RBL1: variants seen among roughly 807,000 people sequenced by gnomAD.
RBL1 encodes the protein RB transcriptional corepressor like 1.
A neutral mutation model predicts 123.0 loss-of-function variants in RBL1; 82 were observed. That is an observed-to-expected ratio of 0.67 (90% confidence interval 0.56 to 0.80). The LOEUF (loss-of-function observed/expected upper bound fraction) is 0.80. Among genes scored for constraint, RBL1 ranks in the 30% least tolerant of loss-of-function variants. The pLI is 0.00. For synonymous variants in RBL1, 405 were observed against 441.3 expected (o/e 0.92, Z 1.03); for missense variants, 1,171 against 1,299.6 (o/e 0.90, Z 1.52).
chr20:37,056,272 G>T lies in RBL1; in HGVS notation c.1251-14C>A. The T allele has an allele frequency of 6.4e-7, 1 of 1,567,314 alleles. No homozygotes were observed. ...CGCACACAAGATCTACAAAATACAA[G>T]AGGAACCAATTACCAAACCAAACAA... On this transcript the variant is annotated splice_polypyrimidine_tract_variant and intron_variant, in intron 9 of 21. Transcript: ENST00000373664.
chr20:37,005,033 T>A (rs1380621893), intron 20 of RBL1, among the ~76,000 whole-genome samples: 3 of 151,830 alleles, frequency 2.0e-5, no homozygotes, highest in Non-Finnish European at 4.4e-5. Flanking sequence ...AGAGTGAGAC[T>A]CTGTCTCAAA....
Position 37,032,662 on chromosome 20 carries a change from TA to T in RBL1, c.2382+2del. The T allele has an allele frequency of 6.2e-7, 1 of 1,613,968 alleles. No individual in the cohort carries two copies. The highest frequency in any genetic ancestry group is 8.5e-7 in the Non-Finnish European group (1 of 1,179,944). On this transcript the variant is annotated splice_donor_variant, in intron 16 of 21. Transcript: ENST00000373664. LOFTEE classifies it high-confidence loss of function. ...TCTTCTAAAGTGCTATAAAAACACA[TA>T]CCTTTCTGTAAAATAGTGCTAAGGA...
At chr20:37,075,103 A>T (rs1173262457) in intron 2 of RBL1, among the ~76,000 whole-genome samples, 1 of 152,220 alleles carries the variant, frequency 6.6e-6, no homozygotes, top group Non-Finnish European at 1.5e-5. Context: ...AAAGAAGCCA[A>T]CACAGAAGAC....
At chr20:37,077,865 T>C (rs531178919) in intron 2 of RBL1, among the ~76,000 whole-genome samples, 182 of 152,232 alleles carry the variant, frequency 1.2e-3, no homozygotes, top group South Asian at 2.9e-3. Context: ...GATAAAATAT[T>C]AGTCCATATT....
At position 37,058,118 on chromosome 20, in the gene RBL1, AAAAAAAAAAAACAAAACAAAAC is replaced by A. The variant is rs1211393072; in HGVS notation, c.1251-1882_1251-1861del. Among the ~76,000 whole-genome samples, 27 of 145,970 alleles carry A rather than the reference AAAAAAAAAAAACAAAACAAAAC, an allele frequency of 1.8e-4. 2 individuals are homozygous for A. Among genetic ancestry groups the A allele is most frequent in the African/African-American group, 5.8e-4 (23 of 39,346 alleles). On this transcript the variant is annotated intron_variant, in intron 9 of 21. Transcript: ENST00000373664. ...GCAACAAGGGCGAAACTCTGTCTAA[AAAAAAAAAAAACAAAACAAAAC>A]AAAAAAAAAAAAGCCTATTCCAGGG...
intron 7 of RBL1, among the ~76,000 whole-genome samples, chr20:37,064,868 G>T (rs551175733): frequency 5.3e-5 from 8 of 151,202 alleles, no homozygotes; most frequent in African/African-American, 1.7e-4. Flanking sequence ...TCAAGTGATC[G>T]GCCCGCCTTG....
rs939480241 is a variant in RBL1 at position 37,056,598 on chromosome 20, C to A, written c.1251-340G>T. Among the ~76,000 whole-genome samples, 13 of 151,994 alleles carry A rather than the reference C, an allele frequency of 8.6e-5. No homozygotes were observed. In the East Asian group the frequency reaches 2.5e-3, roughly 29 times the overall value. On this transcript the variant is annotated intron_variant, in intron 9 of 21. Coordinates refer to ENST00000373664, the MANE Select transcript of RBL1 (RefSeq NM_002895.5). ...TAGATCTCCTAACCTTGTGATCCAC[C>A]CACCTCAGCCTCCCAAAATGCTGGG...
At chr20:37,033,010 A>C in intron 15 of RBL1, 134 bp from the exon 16 acceptor site, 1 of 1,234,226 alleles carries the variant, frequency 8.1e-7, no homozygotes, top group Middle Eastern at 2.9e-4. Flanking sequence ...CTAGGTTATG[A>C]CTGAATTCTT....
At chr20:37,056,377 C>G (rs1157013979) in intron 9 of RBL1, 119 bp from the exon 10 acceptor site, 12 of 1,198,182 alleles carry the variant, frequency 1.0e-5, no homozygotes, top group Non-Finnish European at 1.3e-5. Context: ...TTTTTTGAGA[C>G]GGAGTCTCGC....
chr20:37,087,338 A>G (rs2065565040), intron 2 of RBL1, among the ~76,000 whole-genome samples: 1 of 152,102 alleles, frequency 6.6e-6, no homozygotes, highest in South Asian at 2.1e-4. Flanking sequence ...TGTCCCAAAA[A>G]AAAAAAAGGC....
rs911192393 is a variant in RBL1, at chr20:37,011,924, G to A, written c.2723-4365C>T. On this transcript the variant is annotated intron_variant, in intron 19 of 21. Transcript: ENST00000373664. The stretch of plus-strand genomic sequence containing the variant: ...CTTTCCACGGTCTCCCTCTGATGCC[G>A]AGCCGAAGCTGGACTGTACTGCTGC... Among the ~76,000 whole-genome samples, 8 of 152,170 alleles carry A rather than the reference G, an allele frequency of 5.3e-5. No individual in the cohort carries two copies. In the East Asian group the frequency reaches 7.7e-4, roughly 15 times the overall value.
At chr20:37,036,144 C>T (rs1056237128) in intron 14 of RBL1, among the ~76,000 whole-genome samples, 7 of 152,164 alleles carry the variant, frequency 4.6e-5, no homozygotes, top group African/African-American at 7.2e-5. Flanking sequence ...GATCTGCTTT[C>T]CATTCCCTCT....
chr20:37,022,767 A>G lies in RBL1; in HGVS notation c.2442T>C (p.Asn814=), dbSNP rs779887235. Residue 814 remains asparagine (N), a synonymous_variant, in exon 17 of 22, where the codon AAT becomes AAC. Coordinates refer to ENST00000373664, the MANE Select transcript of RBL1 (RefSeq NM_002895.5). Reference sequence around the variant, plus strand: ...ACGTCCATATCTTCCTTCGTAACTCATTTGAAACATCCAGTTTTAGACATA... The same window carrying G: ...ACGTCCATATCTTCCTTCGTAACTCGTTTGAAACATCCAGTTTTAGACATA... ...RDLCLKLDVS[N]ELRRKIWTCF... 1.9e-6 allele frequency: 3 copies of G among 1,613,774 alleles called. No homozygotes were observed. The highest frequency in any genetic ancestry group is 2.5e-6 in the Non-Finnish European group (3 of 1,179,728).
intron 18 of RBL1, among the ~76,000 whole-genome samples, chr20:37,018,578 A>C (rs1387840504): frequency 1.3e-5 from 2 of 152,224 alleles, no homozygotes; most frequent in African/African-American, 4.8e-5. Context: ...CTACCATCTA[A>C]GATGGGCTTA....
Position 37,079,203 on chromosome 20 carries a change from C to CAAA in RBL1, c.290+9783_290+9785dup, listed in dbSNP as rs760548490. Among the ~76,000 whole-genome samples, 331 of 59,884 alleles carry CAAA rather than the reference C, an allele frequency of 5.5e-3. 6 individuals are homozygous for CAAA. The highest frequency in any genetic ancestry group is 0.035 in the East Asian group (91 of 2,598). 39.3% of individuals were successfully genotyped at this position (59,884 alleles called of 152,430 possible). On this transcript the variant is annotated intron_variant, in intron 2 of 21. Coordinates refer to ENST00000373664, the MANE Select transcript of RBL1 (RefSeq NM_002895.5). ...CCACAGAGTAAGACCCTGTCTCAGC[C>CAAA]AAAAAAAAAAAAAAAAAACCCTCAA...
intron 1 of RBL1, among the ~76,000 whole-genome samples, chr20:37,091,835 A>G (rs984121749): frequency 6.6e-6 from 1 of 152,216 alleles, no homozygotes; most frequent in African/African-American, 2.4e-5. Flanking sequence ...ATGGGTGGCC[A>G]TCAATAAACC....
intron 16 of RBL1, among the ~76,000 whole-genome samples, chr20:37,029,337 T>C (rs2064469828): frequency 6.6e-6 from 1 of 152,180 alleles, no homozygotes; most frequent in African/African-American, 2.4e-5. Context: ...TACAAAAAGA[T>C]GGCCCTCTAT....
At chr20:37,010,705 A>G (rs1163883166) in intron 19 of RBL1, among the ~76,000 whole-genome samples, 1 of 152,158 alleles carries the variant, frequency 6.6e-6, no homozygotes, top group Admixed American at 6.5e-5. Context: ...TTATAGGACC[A>G]CTGTTGTATG....
intron 2 of RBL1, among the ~76,000 whole-genome samples, chr20:37,087,629 G>A (rs931312152): frequency 1.3e-5 from 2 of 152,116 alleles, no homozygotes; most frequent in Non-Finnish European, 2.9e-5. Context: ...CAAAGTGATT[G>A]TGGATTATAT....
Sources: allele counts gnomAD v4.1 joint callset (sites outside exome capture counted in the v4.1 genomes callset), GRCh38; gene constraint gnomAD v4.1.1; transcripts MANE v1.5; gene names NCBI Gene and HGNC (gene_info 2026-07-23, HGNC 2026-07-21).